PARP8: variants seen among roughly 807,000 people sequenced by gnomAD.
PARP8 encodes protein mono-ADP-ribosyltransferase PARP8.
Under a neutral mutation model 124.1 loss-of-function variants are expected in PARP8, and 51 were observed. The ratio of observed to expected loss-of-function variants is 0.41; its 90% CI spans 0.33 to 0.52. The LOEUF is 0.52. Among genes scored for constraint, PARP8 ranks in the 20% least tolerant of loss-of-function variants. PARP8 has a pLI of 0.21. For synonymous variants in PARP8, 391 were observed against 361.5 expected (o/e 1.08, Z -0.93); for missense variants, 860 against 1,018.9 (o/e 0.84, Z 2.12).
At chr5:50,840,769 A>G (rs1461981375) in intron 25 of PARP8, among the ~76,000 whole-genome samples, 2 of 151,904 alleles carry the variant, frequency 1.3e-5, no homozygotes, top group East Asian at 3.9e-4. Flanking sequence ...AATCTCAGTA[A>G]CAGAGCACTT....
chr5:50,796,706 A>G (rs1175529650), intron 12 of PARP8, among the ~76,000 whole-genome samples: 1 of 152,222 alleles, frequency 6.6e-6, no homozygotes, highest in Non-Finnish European at 1.5e-5. Flanking sequence ...AGTTTTTGTG[A>G]TCATGTAAAG....
chr5:50,813,025 C>T (rs1295411397), intron 14 of PARP8, among the ~76,000 whole-genome samples: 26 of 152,106 alleles, frequency 1.7e-4, no homozygotes, highest in Non-Finnish European at 3.1e-4. Flanking sequence ...AGTCAGGTAG[C>T]ATGATGCCTC....
intron 14 of PARP8, among the ~76,000 whole-genome samples, chr5:50,809,984 T>C (rs969195243): frequency 6.6e-6 from 1 of 152,030 alleles, no homozygotes; most frequent in African/African-American, 2.4e-5. Flanking sequence ...AAAATATTCT[T>C]CAGGGCTTAA....
chr5:50,834,009 C>T lies in PARP8; in HGVS notation c.2338C>T (p.Leu780=). 1 of 1,612,436 alleles carries T rather than the reference C, an allele frequency of 6.2e-7. No homozygotes were observed. Among genetic ancestry groups the T allele is most frequent in the South Asian group, 1.1e-5 (1 of 90,980 alleles). Reference sequence around the variant, plus strand: ...GAAAAAAGGACAGCAATCCCAATTCCTGCAAAGCCGTAACTTAAAATGCAT... The same window carrying T: ...GAAAAAAGGACAGCAATCCCAATTCTTGCAAAGCCGTAACTTAAAATGCAT... ...SQKKGQQSQF[L]QSRNLKCIAL... is the part of the protein sequence containing the mutation. The change falls in exon 24 of 26, where the codon CTG becomes TTG. Residue 780 remains leucine (L), a synonymous_variant. Coordinates refer to ENST00000281631, the MANE Select transcript of PARP8 (RefSeq NM_024615.4).
intron 10 of PARP8, among the ~76,000 whole-genome samples, chr5:50,791,873 C>A (rs912393696): frequency 3.9e-5 from 6 of 152,030 alleles, no homozygotes; most frequent in African/African-American, 1.4e-4. Context: ...AAGTGCGAAT[C>A]AAAATAAAAT....
At chr5:50,809,025 A>T (rs963358408) in intron 14 of PARP8, among the ~76,000 whole-genome samples, 2 of 95,942 alleles carry the variant, frequency 2.1e-5, no homozygotes, top group Non-Finnish European at 4.5e-5. Flanking sequence ...AACATGGTTT[A>T]AAAAAAAATC....
At chr5:50,737,802 C>T (rs796851973) in intron 2 of PARP8, among the ~76,000 whole-genome samples, 46 of 152,284 alleles carry the variant, frequency 3.0e-4, no homozygotes, top group African/African-American at 9.1e-4. Flanking sequence ...ACCATACACA[C>T]GGCTGTCTTA....
At chr5:50,731,354 A>G (rs1756956067) in intron 2 of PARP8, among the ~76,000 whole-genome samples, 1 of 152,192 alleles carries the variant, frequency 6.6e-6, no homozygotes, top group African/African-American at 2.4e-5. Context: ...CTTCTGTCCA[A>G]AAGAATGAGT....
intron 2 of PARP8, among the ~76,000 whole-genome samples, chr5:50,738,522 A>T (rs1436860142): frequency 6.6e-6 from 1 of 152,176 alleles, no homozygotes; most frequent in Non-Finnish European, 1.5e-5. Flanking sequence ...TAGCTTATAG[A>T]TGCTTACACT....
chr5:50,710,327 A>G (rs1461345044), intron 2 of PARP8, among the ~76,000 whole-genome samples: 4 of 151,886 alleles, frequency 2.6e-5, no homozygotes, highest in African/African-American at 7.3e-5. Context: ...ACTTTCATGG[A>G]TCTTTTCTTA....
At chr5:50,671,896 A>G (rs1299230243) in intron 2 of PARP8, among the ~76,000 whole-genome samples, 2 of 152,216 alleles carry the variant, frequency 1.3e-5, no homozygotes, top group Non-Finnish European at 2.9e-5. Flanking sequence ...CCTTTATTAT[A>G]TGACTGGACA....
chr5:50,756,247 C>T (rs1759938584), intron 3 of PARP8, among the ~76,000 whole-genome samples: 1 of 152,038 alleles, frequency 6.6e-6, no homozygotes, highest in African/African-American at 2.4e-5. Flanking sequence ...AGAGGGCATC[C>T]CTGTCTTGTG....
rs560410711 is a variant in PARP8, at chr5:50,708,767, A to AT, written c.146+40653dup. 1.1e-3 allele frequency among the ~76,000 whole-genome samples: 157 copies of AT among 148,258 alleles called. 1 individual carries two copies. Among genetic ancestry groups the AT allele is most frequent in the African/African-American group, 3.1e-3 (126 of 40,592 alleles). ...CACTGTGGAGACTCCTGTCTTAGGA[A>AT]TTTTTTTTTTTCAATTATTGTTATT... On this transcript the variant is annotated intron_variant, in intron 2 of 25. Transcript: ENST00000281631.
At chr5:50,770,072 A>T (rs1242887605) in intron 7 of PARP8, among the ~76,000 whole-genome samples, 1 of 152,054 alleles carries the variant, frequency 6.6e-6, no homozygotes, top group Non-Finnish European at 1.5e-5. Context: ...TAATCTGCTT[A>T]TCAGTATATT....
chr5:50,811,101 C>G (rs1744385768), intron 14 of PARP8, among the ~76,000 whole-genome samples: 1 of 151,850 alleles, frequency 6.6e-6, no homozygotes, highest in Non-Finnish European at 1.5e-5. Context: ...AGAAATCTGC[C>G]TTATTCACTT....
chr5:50,771,577 C>T (rs1020234646), intron 7 of PARP8, among the ~76,000 whole-genome samples: 10 of 152,162 alleles, frequency 6.6e-5, no homozygotes, highest in Non-Finnish European at 1.2e-4. Context: ...TCCCACATTC[C>T]TTTTCTTATT....
At chr5:50,683,460 A>G (rs1483685397) in intron 2 of PARP8, among the ~76,000 whole-genome samples, 3 of 152,208 alleles carry the variant, frequency 2.0e-5, no homozygotes, top group Admixed American at 1.3e-4. Flanking sequence ...TGAATTGGGA[A>G]TACAAAGATG....
chr5:50,816,111 A>T (rs535948419), intron 15 of PARP8, among the ~76,000 whole-genome samples: 1 of 152,316 alleles, frequency 6.6e-6, no homozygotes, highest in African/African-American at 2.4e-5. Context: ...CCACATACAG[A>T]AACATATATG....
In PARP8 at chr5:50,678,932, GA is replaced by G. The variant is rs113472574; in HGVS notation, c.146+10814del. On this transcript the variant is annotated intron_variant, in intron 2 of 25. Coordinates refer to ENST00000281631, the MANE Select transcript of PARP8 (RefSeq NM_024615.4). Reference sequence around the variant, plus strand: ...CAACATGAACAAGGAGACTAAGGGGGAAAAAAATGCCCTTTTGTAGGGTGAC... The same window carrying G: ...CAACATGAACAAGGAGACTAAGGGGGAAAAAATGCCCTTTTGTAGGGTGAC... Among the ~76,000 whole-genome samples the G allele has an allele frequency of 9.7e-4, 148 of 152,040 alleles. 1 individual carries two copies. The highest frequency in any genetic ancestry group is 3.4e-3 in the African/African-American group (141 of 41,516).
Sources: allele counts gnomAD v4.1 joint callset (sites outside exome capture counted in the v4.1 genomes callset), GRCh38; gene constraint gnomAD v4.1.1; transcripts MANE v1.5; gene names NCBI Gene and HGNC (gene_info 2026-07-23, HGNC 2026-07-21).